The following ANK2 variants were observed in gnomAD, a reference collection of about 807,000 sequenced individuals.
ANK2 encodes ankyrin-2.
Under a neutral mutation model 360.5 loss-of-function variants are expected in ANK2, and 83 were observed. The ratio of observed to expected loss-of-function variants is 0.23; its 90% CI spans 0.19 to 0.28. The LOEUF (loss-of-function observed/expected upper bound fraction) is 0.28, where lower values mean the gene tolerates loss of function less well. ANK2 is among the 10% of genes least tolerant of loss of function. The pLI is 1.00. For synonymous variants in ANK2, 1,740 were observed against 1,759.5 expected, an observed-to-expected ratio of 0.99 and a Z score of 0.28; for missense variants, 4,201 against 4,795.7, an observed-to-expected ratio of 0.88 and a Z score of 3.66.
chr4:113,289,349 AG>A (rs2066397402), intron 20 of ANK2, among the ~76,000 whole-genome samples: 1 of 151,816 alleles, frequency 6.6e-6, no homozygotes, highest in Non-Finnish European at 1.5e-5. Context: ...CTAGGACTAT[AG>A]GTGCATGACA....
chr4:113,196,844 C>T (rs566603981), intron 3 of ANK2, among the ~76,000 whole-genome samples: 13 of 152,322 alleles, frequency 8.5e-5, no homozygotes, highest in Admixed American at 8.5e-4. Context: ...CCCTCTCGTA[C>T]ATTTCAGAGG....
In ANK2 at chr4:113,336,569, T is replaced by A. The variant is rs771376396; in HGVS notation, c.3592-8T>A. ...AAATATATATGTGTGTGTTTTTACT[T>A]TGAAAAGGCTCAACCTATGCACAGT... On this transcript the variant is annotated splice_polypyrimidine_tract_variant and splice_region_variant and intron_variant, in intron 30 of 45. Coordinates refer to ENST00000357077, the MANE Select transcript of ANK2 (RefSeq NM_001148.6). 17 of 1,612,984 alleles carry A rather than the reference T, an allele frequency of 1.1e-5. No individual in the cohort carries two copies. In the Admixed American group the frequency reaches 2.3e-4, roughly 22 times the overall value.
At chr4:113,292,646 A>G in intron 21 of ANK2, 132 bp downstream of exon 21, 1 of 1,041,564 alleles carries the variant, frequency 9.6e-7, no homozygotes, top group South Asian at 1.4e-5. Context: ...GGAAAGCCCC[A>G]GATTTTTGGG....
chr4:112,925,539 G>A (rs925595627), intron 2 of ANK2, among the ~76,000 whole-genome samples: 1 of 152,082 alleles, frequency 6.6e-6, no homozygotes, highest in South Asian at 2.1e-4. Flanking sequence ...AAAAATAATA[G>A]CTTCAATCTG....
chr4:112,760,533 T>C, the ANK2 span, among the ~76,000 whole-genome samples: 22 of 151,638 alleles, frequency 1.5e-4, no homozygotes, highest in African/African-American at 5.3e-4. Context: ...TCTTTTTTTT[T>C]CTATTTTTTA....
intron 1 of ANK2, among the ~76,000 whole-genome samples, chr4:113,083,206 T>A (rs1447145511): frequency 6.6e-6 from 1 of 152,230 alleles, no homozygotes; most frequent in East Asian, 1.9e-4. Context: ...AGAGACAGTG[T>A]CTCACTTCGT....
At chr4:113,132,951 T>C (rs2096150428) in intron 1 of ANK2, among the ~76,000 whole-genome samples, 1 of 152,202 alleles carries the variant, frequency 6.6e-6, no homozygotes, top group Non-Finnish European at 1.5e-5. Flanking sequence ...ACTATTATTA[T>C]ACTTACAAAC....
intron 23 of ANK2, among the ~76,000 whole-genome samples, chr4:113,309,985 A>G (rs1351793619): frequency 6.6e-6 from 1 of 152,170 alleles, no homozygotes; most frequent in Non-Finnish European, 1.5e-5. Context: ...TACCTGATCA[A>G]ATGCTGTGTC....
chr4:113,311,763 A>G (rs1264672352), intron 24 of ANK2, among the ~76,000 whole-genome samples: 3 of 152,210 alleles, frequency 2.0e-5, no homozygotes, highest in Non-Finnish European at 4.4e-5. Context: ...GGCATCACAG[A>G]CACTTTGGAT....
the ANK2 span, among the ~76,000 whole-genome samples, chr4:112,812,638 C>A: frequency 6.6e-6 from 1 of 152,174 alleles, no homozygotes; most frequent in Non-Finnish European, 1.5e-5. Context: ...AACCAGCTAA[C>A]CCTCTGAACC....
chr4:113,020,991 T>C (rs1200724890), intron 2 of ANK2, among the ~76,000 whole-genome samples: 1 of 152,162 alleles, frequency 6.6e-6, no homozygotes, highest in East Asian at 1.9e-4. Context: ...TTTAGACTTT[T>C]TCACAGATAT....
At chr4:113,254,264 T>C (rs2153619518) in intron 10 of ANK2, among the ~76,000 whole-genome samples, 1 of 152,332 alleles carries the variant, frequency 6.6e-6, no homozygotes, top group Non-Finnish European at 1.5e-5. Flanking sequence ...ATGTCTGTCT[T>C]CCACACTAGA....
chr4:113,173,050 G>A (rs987621450), intron 1 of ANK2, among the ~76,000 whole-genome samples: 3 of 152,134 alleles, frequency 2.0e-5, no homozygotes, highest in African/African-American at 7.2e-5. Context: ...ATATGATGAT[G>A]GATTTCTAAA....
At chr4:113,182,984 T>G (rs551941167) in intron 2 of ANK2, among the ~76,000 whole-genome samples, 1 of 152,070 alleles carries the variant, frequency 6.6e-6, no homozygotes, top group Non-Finnish European at 1.5e-5. Flanking sequence ...GGAGAATTAC[T>G]GGATGGTGTC....
intron 4 of ANK2, among the ~76,000 whole-genome samples, chr4:113,211,928 T>G (rs1027917581): frequency 6.6e-6 from 1 of 152,210 alleles, no homozygotes; most frequent in Admixed American, 6.5e-5. Context: ...TACAGTTAAA[T>G]TCTCTTTATG....
At chr4:112,938,917 C>T (rs143911643) in intron 2 of ANK2, among the ~76,000 whole-genome samples, 361 of 152,258 alleles carry the variant, frequency 2.4e-3, no homozygotes, top group African/African-American at 7.9e-3. Context: ...AGAACAGTAC[C>T]TGCCACATAG....
At chr4:113,097,864 G>A (rs796259357) in intron 1 of ANK2, among the ~76,000 whole-genome samples, 29,672 of 136,270 alleles carry the variant, frequency 0.22, 3,618 homozygotes, top group East Asian at 0.51. Flanking sequence ...GTGTGTGTGT[G>A]TGTATATATA....
intron 1 of ANK2, among the ~76,000 whole-genome samples, chr4:113,111,943 C>G (rs1263755826): frequency 6.6e-6 from 1 of 152,066 alleles, no homozygotes; most frequent in Non-Finnish European, 1.5e-5. Flanking sequence ...TCCATGAGGA[C>G]AAGGGTTTTG....
At chr4:113,346,521 T>G (rs1396220668) in intron 35 of ANK2, among the ~76,000 whole-genome samples, 1 of 152,128 alleles carries the variant, frequency 6.6e-6, no homozygotes, top group Non-Finnish European at 1.5e-5. Flanking sequence ...TTTTTCTAAG[T>G]AATTAACTAT....
Sources: gnomAD v4.1 joint callset for allele counts (sites outside exome capture counted in the v4.1 genomes callset) on GRCh38, gnomAD v4.1.1 for gene constraint, MANE v1.5 for transcripts, NCBI Gene and HGNC (gene_info 2026-07-23, HGNC 2026-07-21) for gene names.